NEK11: variants seen among roughly 807,000 people sequenced by gnomAD.
NEK11 encodes the protein NIMA related kinase 11, also known as serine/threonine-protein kinase Nek11.
Under a neutral mutation model 80.7 loss-of-function variants are expected in NEK11, and 72 were observed. The observed-to-expected ratio is 0.89, with a 90% confidence interval of 0.74 to 1.08. The LOEUF (loss-of-function observed/expected upper bound fraction) is 1.08. Ranked by LOEUF, NEK11 falls within the 50% of genes least tolerant of loss-of-function variation. NEK11 has a pLI of 0.00. For missense variants in NEK11, 764 were observed against 763.6 expected, an observed-to-expected ratio of 1.00 and a Z score of -0.01; for synonymous variants, 251 against 260.7, an observed-to-expected ratio of 0.96 and a Z score of 0.36.
At chr3:131,255,080 GAA>G (rs1478416430) in intron 16 of NEK11, among the ~76,000 whole-genome samples, 2 of 23,482 alleles carry the variant, frequency 8.5e-5, no homozygotes, top group Non-Finnish European at 1.7e-4. Context: ...CAGAAAGAAG[GAA>G]AGAAAGAAAG....
chr3:131,289,541 C>A (rs1247705702), intron 17 of NEK11, among the ~76,000 whole-genome samples: 2 of 152,160 alleles, frequency 1.3e-5, no homozygotes, highest in Non-Finnish European at 1.5e-5. Flanking sequence ...GCATCAAATG[C>A]CTTCCAAAGG....
At chr3:131,051,937 A>C (rs2110037993) in intron 3 of NEK11, among the ~76,000 whole-genome samples, 1 of 152,302 alleles carries the variant, frequency 6.6e-6, no homozygotes, top group South Asian at 2.1e-4. Flanking sequence ...CAAAAGATCA[A>C]GTTTCGAGTT....
At chr3:131,334,011 T>C (rs909635834) in intron 17 of NEK11, among the ~76,000 whole-genome samples, 1 of 151,864 alleles carries the variant, frequency 6.6e-6, no homozygotes, top group Non-Finnish European at 1.5e-5. Context: ...TCCCACACAA[T>C]AATAATGGGA....
chr3:131,293,339 A>G (rs1173149588), intron 17 of NEK11, among the ~76,000 whole-genome samples: 1 of 152,132 alleles, frequency 6.6e-6, no homozygotes, highest in East Asian at 1.9e-4. Context: ...GTGTCTATTT[A>G]TATGATCATG....
chr3:131,163,266 T>C (rs140723863), intron 11 of NEK11, among the ~76,000 whole-genome samples: 3,304 of 152,264 alleles, frequency 0.022, 129 homozygotes, highest in African/African-American at 0.075. Flanking sequence ...GAAATCAGTA[T>C]ATAGAAAAGA....
At chr3:131,300,764 C>T (rs2096652656) in intron 17 of NEK11, among the ~76,000 whole-genome samples, 1 of 152,124 alleles carries the variant, frequency 6.6e-6, no homozygotes, top group East Asian at 1.9e-4. Context: ...CCAGTACATA[C>T]TGTTTTAGTT....
intron 3 of NEK11, among the ~76,000 whole-genome samples, chr3:131,079,881 A>C (rs2074957517): frequency 6.6e-6 from 1 of 152,192 alleles, no homozygotes; most frequent in African/African-American, 2.4e-5. Flanking sequence ...GAGAGAGAGA[A>C]GCATGCCTGT....
chr3:131,315,763 A>G (rs559864523), intron 17 of NEK11, among the ~76,000 whole-genome samples: 3 of 151,788 alleles, frequency 2.0e-5, no homozygotes, highest in Admixed American at 2.0e-4. Context: ...GTGTCCATGT[A>G]TTCTCATTAT....
At chr3:131,331,410 C>A (rs548396783) in intron 17 of NEK11, among the ~76,000 whole-genome samples, 2 of 152,152 alleles carry the variant, frequency 1.3e-5, no homozygotes, top group African/African-American at 4.8e-5. Flanking sequence ...TTCCGGGTAT[C>A]CATTAAACCA....
chr3:131,129,501 G>A (rs182062816), intron 5 of NEK11, among the ~76,000 whole-genome samples: 44 of 152,094 alleles, frequency 2.9e-4, no homozygotes, highest in Non-Finnish European at 1.5e-5. Flanking sequence ...TGTGACTTTG[G>A]TGTTATATTT....
intron 14 of NEK11, among the ~76,000 whole-genome samples, chr3:131,173,194 T>C (rs1041056679): frequency 6.6e-6 from 1 of 152,242 alleles, no homozygotes; most frequent in Non-Finnish European, 1.5e-5. Context: ...TTTGTTTCTT[T>C]ACTTTCTTAA....
intron 3 of NEK11, among the ~76,000 whole-genome samples, chr3:131,056,001 AG>A (rs1457114836): frequency 6.6e-6 from 1 of 152,228 alleles, no homozygotes; most frequent in Non-Finnish European, 1.5e-5. Context: ...AAAGAGACCA[AG>A]TATACTGTGT....
intron 17 of NEK11, among the ~76,000 whole-genome samples, chr3:131,345,237 A>AT (rs1243829040): frequency 1.3e-5 from 2 of 152,228 alleles, no homozygotes; most frequent in African/African-American, 4.8e-5. Context: ...AAAGGAAACA[A>AT]TTAACAAAGG....
chr3:131,201,361 G>A (rs2094218925), intron 14 of NEK11, among the ~76,000 whole-genome samples: 1 of 151,832 alleles, frequency 6.6e-6, no homozygotes, highest in African/African-American at 2.4e-5. Context: ...TTGGGCCACT[G>A]GTTAATTTTA....
chr3:131,217,259 C>A (rs2094872253), intron 14 of NEK11, among the ~76,000 whole-genome samples: 1 of 152,150 alleles, frequency 6.6e-6, no homozygotes, highest in Admixed American at 6.5e-5. Flanking sequence ...TTTTCCCAAA[C>A]AGCAAAGTAT....
At chr3:131,183,470 T>C (rs1407950236) in intron 14 of NEK11, among the ~76,000 whole-genome samples, 1 of 152,136 alleles carries the variant, frequency 6.6e-6, no homozygotes, top group Non-Finnish European at 1.5e-5. Context: ...AGTGTGTGTT[T>C]TTCCCCTCCC....
intron 3 of NEK11, among the ~76,000 whole-genome samples, chr3:131,045,149 G>T (rs912015843): frequency 2.0e-5 from 3 of 152,174 alleles, no homozygotes; most frequent in Admixed American, 6.5e-5. Flanking sequence ...AGCACTAAAT[G>T]CCCACAGGAG....
chr3:131,213,990 C>T (rs2094725052), intron 14 of NEK11, among the ~76,000 whole-genome samples: 1 of 152,144 alleles, frequency 6.6e-6, no homozygotes, highest in Admixed American at 6.6e-5. Flanking sequence ...CTCTATGTTT[C>T]CATGCTCCTC....
chr3:131,277,173 T>G (rs1268038562), intron 17 of NEK11, among the ~76,000 whole-genome samples: 2 of 152,224 alleles, frequency 1.3e-5, no homozygotes, highest in East Asian at 3.8e-4. Context: ...AGTAGTATAA[T>G]TTTTCTGTAG....
Sources: gnomAD v4.1 joint callset for allele counts (sites outside exome capture counted in the v4.1 genomes callset) on GRCh38, gnomAD v4.1.1 for gene constraint, MANE v1.5 for transcripts, NCBI Gene and HGNC (gene_info 2026-07-23, HGNC 2026-07-21) for gene names.